The following XPO7 variants were observed in gnomAD, a reference collection of about 807,000 sequenced individuals.
The protein encoded by XPO7 is exportin-7.
A neutral mutation model predicts 144.3 loss-of-function variants in XPO7; 21 were observed. The observed-to-expected ratio is 0.15, with a 90% CI of 0.10 to 0.21. The LOEUF is 0.21. Among genes scored for constraint, XPO7 ranks in the 10% least tolerant of loss-of-function variants. The pLI is 1.00. For missense variants in XPO7, 808 were observed against 1,325.8 expected (o/e 0.61, Z 6.06); for synonymous variants, 580 against 499.6 (o/e 1.16, Z -2.15).
At chr8:21,935,854 C>G (rs1810804642) in intron 1 of XPO7, among the ~76,000 whole-genome samples, 1 of 152,100 alleles carries the variant, frequency 6.6e-6, no homozygotes, top group South Asian at 2.1e-4. Flanking sequence ...CTCTCAATCT[C>G]TCTCTCTCTG....
At chr8:21,963,161 G>A (rs914294160) in intron 1 of XPO7, among the ~76,000 whole-genome samples, 4 of 152,216 alleles carry the variant, frequency 2.6e-5, no homozygotes, top group Non-Finnish European at 5.9e-5. Flanking sequence ...ACTTCTCTGT[G>A]TTGTGCCTAT....
intron 8 of XPO7, 41 bp from the exon 9 acceptor site, chr8:21,980,043 G>C (rs1157211029): frequency 1.3e-6 from 2 of 1,524,628 alleles, no homozygotes; most frequent in Non-Finnish European, 1.8e-6. Flanking sequence ...TAACTGTACA[G>C]TCTTTTTAAT....
chr8:22,005,053 A>T lies in XPO7; in HGVS notation c.3229A>T (p.Thr1077Ser). ...AGTCAACGACTCAATGAAGAATTCC[A>T]CTTATGGCGTGAATAGCAATGACAT... ...REVNDSMKNS[T>S]YGVNSNDMMS The change falls in exon 28 of 28, where the codon ACT (threonine) becomes TCT (serine). Residue 1077 changes from threonine to serine, a missense_variant. Physicochemically the swap from Thr to Ser is moderately conservative, Grantham distance 58. Transcript: ENST00000252512. 1.2e-6 allele frequency: 2 copies of T among 1,612,846 alleles called. No homozygotes were observed. Among genetic ancestry groups the T allele is most frequent in the Admixed American group, 3.3e-5 (2 of 59,920 alleles).
intron 1 of XPO7, among the ~76,000 whole-genome samples, chr8:21,928,755 G>C (rs1314892053): frequency 6.6e-6 from 1 of 152,096 alleles, no homozygotes; most frequent in African/African-American, 2.4e-5. Context: ...CATTTTAAAT[G>C]GTTGAAAACA....
At chr8:21,986,341 C>T (rs1331406819) in intron 13 of XPO7, among the ~76,000 whole-genome samples, 5 of 152,082 alleles carry the variant, frequency 3.3e-5, no homozygotes, top group South Asian at 4.2e-4. Context: ...TTTAGTGAGA[C>T]GGGGTTTCAC....
intron 1 of XPO7, among the ~76,000 whole-genome samples, chr8:21,959,912 C>G (rs1381266930): frequency 6.6e-6 from 1 of 152,212 alleles, no homozygotes; most frequent in Non-Finnish European, 1.5e-5. Flanking sequence ...CCGAACTCTT[C>G]TCTGCCTAAG....
intron 8 of XPO7, 101 bp from the exon 9 acceptor site, chr8:21,979,983 A>C (rs987994780): frequency 3.2e-6 from 4 of 1,261,570 alleles, no homozygotes; most frequent in African/African-American, 1.5e-5. Flanking sequence ...ATGTTGCTTC[A>C]GATATCCTAA....
intron 27 of XPO7, 73 bp from the exon 28 acceptor site, chr8:22,004,922 A>T: frequency 6.3e-6 from 3 of 478,778 alleles, no homozygotes; most frequent in Middle Eastern, 3.6e-4. Flanking sequence ...CATGCTTTAA[A>T]AAAAAAAAAA....
At chr8:21,963,780 G>C (rs1030232247) in intron 1 of XPO7, among the ~76,000 whole-genome samples, 3 of 152,056 alleles carry the variant, frequency 2.0e-5, no homozygotes, top group Admixed American at 6.5e-5. Context: ...CTGCTTTGTG[G>C]AGTAATATAA....
At chr8:22,002,346 C>G (rs996230778) in intron 25 of XPO7, 74 bp downstream of exon 25, 4 of 1,518,652 alleles carry the variant, frequency 2.6e-6, no homozygotes, top group Non-Finnish European at 3.6e-6. Flanking sequence ...ACAGGGGAGC[C>G]CACACACGAT....
chr8:21,934,667 C>T (rs530873899), intron 1 of XPO7, among the ~76,000 whole-genome samples: 26 of 152,156 alleles, frequency 1.7e-4, no homozygotes, highest in African/African-American at 5.6e-4. Flanking sequence ...GAGACAAAGA[C>T]GTGGATGAAC....
intron 1 of XPO7, among the ~76,000 whole-genome samples, chr8:21,961,468 A>G (rs1245910783): frequency 6.6e-6 from 1 of 152,050 alleles, no homozygotes; most frequent in African/African-American, 2.4e-5. Context: ...CTCCCACCTC[A>G]GCCTCCTGAA....
chr8:21,962,891 A>G (rs1811769880), intron 1 of XPO7, among the ~76,000 whole-genome samples: 8 of 152,184 alleles, frequency 5.3e-5, no homozygotes. Flanking sequence ...ATAGAGTAAA[A>G]TGTAATTTAT....
chr8:22,006,212 C>T lies in XPO7; in HGVS notation c.*1124C>T, dbSNP rs1813324694. On this transcript the variant is annotated 3_prime_UTR_variant, in exon 28 of 28. Coordinates refer to ENST00000252512, the MANE Select transcript of XPO7 (RefSeq NM_015024.5). Reference sequence around the variant, plus strand: ...TAGCATGAAGTATTTAACATTCTCCCATCCCTTAAAAAATATACATTTTTA... The same window carrying T: ...TAGCATGAAGTATTTAACATTCTCCTATCCCTTAAAAAATATACATTTTTA... The T allele has an allele frequency of 6.6e-6, 1 of 152,074 alleles. No homozygotes were observed. The highest frequency in any genetic ancestry group is 2.4e-5 in the African/African-American group (1 of 41,382). 9.4% of individuals were successfully genotyped at this position (152,074 alleles called of 1,614,324 possible). A position where few individuals can be genotyped will look rare whatever the true frequency, so the allele number is the denominator to read the frequency against.
intron 1 of XPO7, among the ~76,000 whole-genome samples, chr8:21,932,440 C>A (rs1158730208): frequency 6.6e-6 from 1 of 152,126 alleles, no homozygotes; most frequent in Non-Finnish European, 1.5e-5. Context: ...ACCCTGAATT[C>A]TTTGCTTCTG....
intron 1 of XPO7, among the ~76,000 whole-genome samples, chr8:21,928,360 C>T (rs1160511156): frequency 1.3e-5 from 2 of 152,154 alleles, no homozygotes; most frequent in African/African-American, 2.4e-5. Context: ...AGGTTGTTCC[C>T]AGTTTTTAGT....
At chr8:21,931,160 C>A (rs1338779359) in intron 1 of XPO7, among the ~76,000 whole-genome samples, 2 of 151,288 alleles carry the variant, frequency 1.3e-5, no homozygotes, top group Non-Finnish European at 2.9e-5. Context: ...TATCTTATTT[C>A]TCTCTCTCTT....
intron 27 of XPO7, 72 bp from the exon 28 acceptor site, chr8:22,004,919 TAAAA>T (rs10548676): frequency 2.0e-3 from 563 of 274,692 alleles, no homozygotes; most frequent in East Asian, 2.9e-3. Flanking sequence ...TCCCATGCTT[TAAAA>T]AAAAAAAAAA....
chr8:21,927,767 G>T (rs1283890696), intron 1 of XPO7, among the ~76,000 whole-genome samples: 1 of 151,930 alleles, frequency 6.6e-6, no homozygotes, highest in Non-Finnish European at 1.5e-5. Flanking sequence ...CTGGTCTTGA[G>T]CTCCCGACCT....
Sources: gnomAD v4.1 joint callset for allele counts (sites outside exome capture counted in the v4.1 genomes callset) on GRCh38, gnomAD v4.1.1 for gene constraint, MANE v1.5 for transcripts, NCBI Gene and HGNC (gene_info 2026-07-23, HGNC 2026-07-21) for gene names.